The following VCL variants were observed in gnomAD, a reference collection of about 807,000 sequenced individuals.
VCL encodes epididymis luminal protein 114.
VCL carries 47 observed loss-of-function variants against 125.7 expected under a neutral mutation model. That is an observed-to-expected ratio of 0.37 (90% confidence interval 0.30 to 0.48). VCL has a LOEUF of 0.48. Ranked by LOEUF, VCL falls within the 20% of genes least tolerant of loss-of-function variation. VCL has a pLI of 0.99. For missense variants in VCL, 1,069 were observed against 1,455.5 expected (o/e 0.73, Z 4.32); for synonymous variants, 458 against 514.6 (o/e 0.89, Z 1.49).
intron 1 of VCL, among the ~76,000 whole-genome samples, chr10:74,009,225 C>CG (rs938974841): frequency 1.2e-4 from 15 of 124,872 alleles, no homozygotes; most frequent in Non-Finnish European, 1.7e-4. Flanking sequence ...TTCCCCCCCC[C>CG]CCCCCGAGCC....
At chr10:74,100,190 C>G (rs561296217) in intron 13 of VCL, among the ~76,000 whole-genome samples, 1 of 152,292 alleles carries the variant, frequency 6.6e-6, no homozygotes, top group Middle Eastern at 3.4e-3. Flanking sequence ...TAAGCTTTTG[C>G]AAGAATCTAT....
In VCL at chr10:74,082,505, C is replaced by G; in HGVS notation, c.835C>G (p.Gln279Glu). The stretch of plus-strand genomic sequence containing the variant: ...GGCCTCCATAGACTCCAAACTGAAC[C>G]AGGCCAAAGGTTGGCTCCGTGACCC... ...ALASIDSKLNQAKGWLRDPSA... is the reference protein window; with the variant it reads ...ALASIDSKLNEAKGWLRDPSA... The change falls in exon 7 of 22, where the codon CAG (glutamine) becomes GAG (glutamate). Residue 279 changes from glutamine (Q) to glutamate (E), a missense_variant. Transcript: ENST00000211998. 3 of 1,614,120 alleles carry G rather than the reference C, an allele frequency of 1.9e-6. No individual in the cohort carries two copies. The highest frequency in any genetic ancestry group is 2.5e-6 in the Non-Finnish European group (3 of 1,180,020).
rs564752112 is a variant in VCL, at chr10:74,087,975, C to T, written c.1023-1221C>T. Among the ~76,000 whole-genome samples, 18 of 152,174 alleles carry T rather than the reference C, an allele frequency of 1.2e-4. 1 individual carries two copies. In the South Asian group the frequency reaches 3.5e-3, roughly 30 times the overall value. On this transcript the variant is annotated intron_variant, in intron 8 of 21. Transcript: ENST00000211998. The stretch of plus-strand genomic sequence containing the variant: ...CCAAGATCGCGCCACTTCATTCCAG[C>T]CTGGAAAACAGTGAGACTCCGTCTC...
chr10:74,032,717 T>C (rs1453417919), intron 1 of VCL, among the ~76,000 whole-genome samples: 1 of 148,080 alleles, frequency 6.8e-6, no homozygotes, highest in Non-Finnish European at 1.5e-5. Context: ...AAAATATATA[T>C]ATATATATAT....
chr10:74,103,284 G>A (rs574577970), intron 14 of VCL, among the ~76,000 whole-genome samples: 32 of 152,282 alleles, frequency 2.1e-4, no homozygotes, highest in East Asian at 7.7e-4. Flanking sequence ...TACCAGATAC[G>A]TGGCAAATGT....
intron 1 of VCL, among the ~76,000 whole-genome samples, chr10:74,002,074 A>C (rs549362769): frequency 6.6e-6 from 1 of 152,312 alleles, no homozygotes; most frequent in African/African-American, 2.4e-5. Context: ...GACCCCTTCC[A>C]ATGTCAAAGC....
intron 19 of VCL, among the ~76,000 whole-genome samples, chr10:74,113,760 A>G (rs1177896165): frequency 6.6e-6 from 1 of 152,138 alleles, no homozygotes; most frequent in African/African-American, 2.4e-5. Flanking sequence ...TTCTCCCTAT[A>G]GAAATGAAAG....
At chr10:74,076,217 CTG>C (rs1220144859) in intron 6 of VCL, 2 of 152,582 alleles carry the variant, frequency 1.3e-5, no homozygotes, top group African/African-American at 4.8e-5. Flanking sequence ...GTGTATAACA[CTG>C]TGCTTGAATG....
chr10:74,050,973 T>A (rs1841288234), intron 2 of VCL, among the ~76,000 whole-genome samples: 1 of 142,200 alleles, frequency 7.0e-6, no homozygotes, highest in African/African-American at 2.6e-5. Context: ...GGAATCTCGC[T>A]CTGCTACCCA....
At chr10:74,047,031 T>C (rs1267889272) in intron 2 of VCL, among the ~76,000 whole-genome samples, 1 of 152,190 alleles carries the variant, frequency 6.6e-6, no homozygotes, top group Non-Finnish European at 1.5e-5. Flanking sequence ...TTAAAGGAAA[T>C]TAAGCATTTA....
intron 1 of VCL, among the ~76,000 whole-genome samples, chr10:74,017,762 T>C (rs1238427564): frequency 6.6e-6 from 1 of 152,014 alleles, no homozygotes; most frequent in East Asian, 1.9e-4. Flanking sequence ...CATACAATTT[T>C]ATTATACTTA....
chr10:74,102,868 A>G (rs1393336382), intron 14 of VCL, among the ~76,000 whole-genome samples: 1 of 151,166 alleles, frequency 6.6e-6, no homozygotes, highest in Non-Finnish European at 1.5e-5. Flanking sequence ...GACCTCTGTG[A>G]GTTTTTTTTT....
intron 2 of VCL, among the ~76,000 whole-genome samples, chr10:74,063,392 A>G (rs1388562463): frequency 6.6e-6 from 1 of 152,212 alleles, no homozygotes; most frequent in Non-Finnish European, 1.5e-5. Context: ...AAAGTGAGTC[A>G]GCAGGGCCAC....
chr10:74,104,497 A>C (rs1308807256), intron 15 of VCL, among the ~76,000 whole-genome samples: 1 of 152,172 alleles, frequency 6.6e-6, no homozygotes, highest in Non-Finnish European at 1.5e-5. Context: ...TGAGGAATGT[A>C]GGCTTTTTGC....
intron 2 of VCL, among the ~76,000 whole-genome samples, chr10:74,046,907 C>T (rs889802644): frequency 2.0e-5 from 3 of 152,100 alleles, no homozygotes; most frequent in African/African-American, 7.2e-5. Flanking sequence ...ATGAGCACAC[C>T]CTAGTTGTGA....
chr10:74,052,954 T>A (rs1362015485), intron 2 of VCL, among the ~76,000 whole-genome samples: 17 of 149,754 alleles, frequency 1.1e-4, no homozygotes, highest in African/African-American at 2.9e-4. Context: ...AAAATATATA[T>A]ATATATATAT....
chr10:74,104,933 C>A, intron 15 of VCL, 118 bp from the exon 16 acceptor site: 1 of 1,173,778 alleles, frequency 8.5e-7, no homozygotes, highest in Non-Finnish European at 1.2e-6. Flanking sequence ...AGAGTTTGAG[C>A]TGAAGAAGAG....
At chr10:74,031,392 G>A (rs1660164038) in intron 1 of VCL, among the ~76,000 whole-genome samples, 2 of 152,184 alleles carry the variant, frequency 1.3e-5, no homozygotes, top group South Asian at 2.1e-4. Context: ...CTATCAGTAT[G>A]CTTGGTTTTC....
Position 74,066,069 on chromosome 10 carries a change from T to A in VCL, c.240-4601T>A, listed in dbSNP as rs959155271. On this transcript the variant is annotated intron_variant, in intron 2 of 21. Coordinates refer to ENST00000211998, the MANE Select transcript of VCL (RefSeq NM_014000.3). ...TTGGTATATATATATATATTTTTTT[T>A]TTTTTTTGAGATGGAGTTTCGCTTT... Among the ~76,000 whole-genome samples the A allele has an allele frequency of 7.3e-3, 791 of 108,626 alleles. 21 individuals are homozygous for A. Among genetic ancestry groups the A allele is most frequent in the Admixed American group, 0.053 (616 of 11,664 alleles). 71.3% of individuals were successfully genotyped at this position (108,626 alleles called of 152,430 possible). A position where few individuals can be genotyped will look rare whatever the true frequency, so the allele number is the denominator to read the frequency against.
Sources: allele counts gnomAD v4.1 joint callset (sites outside exome capture counted in the v4.1 genomes callset), GRCh38; gene constraint gnomAD v4.1.1; transcripts MANE v1.5; gene names NCBI Gene and HGNC (gene_info 2026-07-23, HGNC 2026-07-21).